NCMAP: variants seen among roughly 807,000 people sequenced by gnomAD.
NCMAP encodes the protein non-compact myelin associated protein, also known as noncompact myelin-associated protein.
NCMAP carries 8 observed loss-of-function variants against 7.8 expected under a neutral mutation model. The ratio of observed to expected loss-of-function variants is 1.02; its 90% confidence interval spans 0.60 to 1.84. The LOEUF (loss-of-function observed/expected upper bound fraction) is 1.84, where lower values mean the gene tolerates loss of function less well. Ranked by LOEUF, NCMAP falls within the 40% of genes most tolerant of loss-of-function variation. The pLI, the probability that NCMAP is intolerant of heterozygous loss-of-function variation, is 0.00. For missense variants in NCMAP, 112 were observed against 131.4 expected, an observed-to-expected ratio of 0.85 and a Z score of 0.72; for synonymous variants, 41 against 52.9, an observed-to-expected ratio of 0.78 and a Z score of 0.98.
intron 1 of NCMAP, among the ~76,000 whole-genome samples, chr1:24,561,195 A>AAG (rs1302421304): frequency 1.7e-4 from 25 of 151,006 alleles, no homozygotes; most frequent in African/African-American, 5.3e-4. Flanking sequence ...AAAAAAAAAA[A>AAG]AAATAGCTGG....
chr1:24,569,401 C>T (rs1452995499), intron 1 of NCMAP, among the ~76,000 whole-genome samples: 2 of 150,736 alleles, frequency 1.3e-5, no homozygotes, highest in African/African-American at 2.5e-5. Flanking sequence ...CTACACTTTC[C>T]TTCCCTAATG....
chr1:24,586,635 C>T (rs1410282456), intron 1 of NCMAP, among the ~76,000 whole-genome samples: 2 of 152,004 alleles, frequency 1.3e-5, no homozygotes, highest in African/African-American at 4.8e-5. Context: ...GTGGCAGGTG[C>T]CTGTACTCCC....
intron 1 of NCMAP, among the ~76,000 whole-genome samples, chr1:24,557,427 G>A (rs1452194587): frequency 2.0e-5 from 3 of 151,712 alleles, no homozygotes; most frequent in African/African-American, 7.3e-5. Flanking sequence ...GTGCATGTGT[G>A]TGCATGTGGG....
Position 24,595,182 on chromosome 1 carries a change from A to G in NCMAP, c.-7-242A>G, listed in dbSNP as rs1407594223. The stretch of plus-strand genomic sequence containing the variant: ...TTGATCCAGATATTTGAAGGAGTTG[A>G]GTAAATATGGTTGAATAAATTTAAG... On this transcript the variant is annotated intron_variant, in intron 1 of 3. Transcript: ENST00000374392. Among the ~76,000 whole-genome samples the G allele has an allele frequency of 2.0e-5, 3 of 152,198 alleles. No homozygotes were observed. The East Asian group carries it at 5.8e-4, about 29-fold the overall frequency.
chr1:24,557,608 C>T (rs1222479354), intron 1 of NCMAP, among the ~76,000 whole-genome samples: 1 of 152,060 alleles, frequency 6.6e-6, no homozygotes, highest in East Asian at 1.9e-4. Flanking sequence ...TAGGCCAATA[C>T]CTTTACTCAT....
At chr1:24,571,052 G>C (rs1651375380) in intron 1 of NCMAP, among the ~76,000 whole-genome samples, 1 of 150,750 alleles carries the variant, frequency 6.6e-6, no homozygotes, top group African/African-American at 2.5e-5. Context: ...GAGGGACATT[G>C]AGACTTCTCT....
intron 1 of NCMAP, among the ~76,000 whole-genome samples, chr1:24,570,697 C>G (rs1307654986): frequency 6.6e-6 from 1 of 150,852 alleles, no homozygotes; most frequent in Non-Finnish European, 1.5e-5. Flanking sequence ...GCTCAGAACC[C>G]TCAGCCTCTG....
chr1:24,556,628 C>G (rs962931650), intron 1 of NCMAP, among the ~76,000 whole-genome samples: 2 of 152,168 alleles, frequency 1.3e-5, no homozygotes, highest in African/African-American at 2.4e-5. Flanking sequence ...GAGATGAAAA[C>G]CCACGGCAGA....
chr1:24,586,161 G>C (rs766410627), intron 1 of NCMAP, among the ~76,000 whole-genome samples: 31 of 152,134 alleles, frequency 2.0e-4, no homozygotes, highest in Non-Finnish European at 4.3e-4. Context: ...TTATCAAGCT[G>C]GTCAGTGATG....
intron 1 of NCMAP, among the ~76,000 whole-genome samples, chr1:24,571,607 A>G (rs1316564212): frequency 6.7e-6 from 1 of 150,118 alleles, no homozygotes; most frequent in Non-Finnish European, 1.5e-5. Flanking sequence ...TTTCTTTGAG[A>G]TGGAGTCTTG....
Position 24,595,483 on chromosome 1 carries a change from C to A in NCMAP, c.53C>A (p.Thr18Asn). Residue 18 changes from threonine to asparagine, a missense_variant, in exon 2 of 4, where the codon ACC becomes AAC. Coordinates refer to ENST00000374392, the MANE Select transcript of NCMAP (RefSeq NM_001010980.5). ...GDTTFFSLNM[T>N]TRGEDFLYKS... Reference sequence around the variant, plus strand: ...ACCACCTTCTTCTCACTGAACATGACCACCAGGGGAGAAGACTTCCTGTAT... The same window carrying A: ...ACCACCTTCTTCTCACTGAACATGAACACCAGGGGAGAAGACTTCCTGTAT... 1 of 1,613,982 alleles carries A rather than the reference C, an allele frequency of 6.2e-7. No individual in the cohort carries two copies. Among genetic ancestry groups the A allele is most frequent in the Non-Finnish European group, 8.5e-7 (1 of 1,179,848 alleles).
At chr1:24,557,130 A>G (rs994192651) in intron 1 of NCMAP, among the ~76,000 whole-genome samples, 3 of 152,166 alleles carry the variant, frequency 2.0e-5, no homozygotes, top group Admixed American at 6.5e-5. Context: ...GGCAGGGATG[A>G]TGCCTATTTG....
At chr1:24,570,045 G>T (rs1241681084) in intron 1 of NCMAP, among the ~76,000 whole-genome samples, 1 of 150,016 alleles carries the variant, frequency 6.7e-6, no homozygotes, top group Non-Finnish European at 1.5e-5. Flanking sequence ...GAACTCCTGG[G>T]CTCAAGTGAT....
rs1301251302 is a variant in NCMAP, at chr1:24,596,316, T to C, written c.82+804T>C. On this transcript the variant is annotated intron_variant, in intron 2 of 3. Coordinates refer to ENST00000374392, the MANE Select transcript of NCMAP (RefSeq NM_001010980.5). ...ACTACTACGATTGCTATTGTTTTCG[T>C]TAAAAAGTCTTGGGACCTAGAAAGC... Among the ~76,000 whole-genome samples, 7 of 151,970 alleles carry C rather than the reference T, an allele frequency of 4.6e-5. No individual in the cohort carries two copies. In the East Asian group the frequency reaches 1.4e-3, roughly 30 times the overall value.
intron 1 of NCMAP, among the ~76,000 whole-genome samples, chr1:24,580,015 T>C (rs1477623580): frequency 6.6e-6 from 1 of 152,122 alleles, no homozygotes; most frequent in Non-Finnish European, 1.5e-5. Context: ...GAGGGGTAGG[T>C]TCTGGCTAGC....
intron 1 of NCMAP, among the ~76,000 whole-genome samples, chr1:24,586,501 G>A (rs995328962): frequency 1.3e-5 from 2 of 152,158 alleles, no homozygotes; most frequent in East Asian, 1.9e-4. Context: ...GGTGGCTCAC[G>A]CCTGTAATCC....
intron 2 of NCMAP, among the ~76,000 whole-genome samples, chr1:24,598,370 C>T (rs749101244): frequency 1.3e-5 from 2 of 152,096 alleles, no homozygotes; most frequent in Non-Finnish European, 2.9e-5. Flanking sequence ...TCCTAGAGGT[C>T]GTGGTTCCCC....
At chr1:24,595,004 C>T (rs1652171114) in intron 1 of NCMAP, among the ~76,000 whole-genome samples, 1 of 150,536 alleles carries the variant, frequency 6.6e-6, no homozygotes, top group Admixed American at 6.7e-5. Context: ...TCAAGTGTCA[C>T]TGCAGCGTGG....
intron 1 of NCMAP, among the ~76,000 whole-genome samples, chr1:24,568,035 G>A (rs1248403883): frequency 1.3e-5 from 2 of 152,098 alleles, no homozygotes; most frequent in Admixed American, 6.5e-5. Flanking sequence ...GTGACCGCTC[G>A]TCACCTAATT....
Sources: allele counts gnomAD v4.1 joint callset (sites outside exome capture counted in the v4.1 genomes callset), GRCh38; gene constraint gnomAD v4.1.1; transcripts MANE v1.5; gene names NCBI Gene and HGNC (gene_info 2026-07-23, HGNC 2026-07-21).